Variants in COG5 observed in about 807,000 individuals in gnomAD.
COG5 encodes the protein component of oligomeric golgi complex 5.
In COG5, 86 loss-of-function variants were observed where a neutral mutation model predicts 110.4. The observed-to-expected ratio is 0.78, with a 90% CI of 0.65 to 0.93. The LOEUF (loss-of-function observed/expected upper bound fraction) is 0.93, where lower values mean the gene tolerates loss of function less well. Ranked by LOEUF, COG5 falls within the 40% of genes least tolerant of loss-of-function variation. COG5 has a pLI of 0.00. For synonymous variants in COG5, 360 were observed against 334.6 expected, an observed-to-expected ratio of 1.08 and a Z score of -0.83; for missense variants, 1,077 against 987.0, an observed-to-expected ratio of 1.09 and a Z score of -1.22.
intron 7 of COG5, among the ~76,000 whole-genome samples, chr7:107,399,270 T>C (rs1791251627): frequency 6.6e-6 from 1 of 152,086 alleles, no homozygotes. Context: ...AAGTGCATGA[T>C]AACAGAAAAA....
intron 14 of COG5, among the ~76,000 whole-genome samples, chr7:107,276,878 A>G (rs1028459558): frequency 6.6e-6 from 1 of 152,246 alleles, no homozygotes; most frequent in Non-Finnish European, 1.5e-5. Context: ...CAAGACAAAC[A>G]AGAATTTTTA....
In COG5 at chr7:107,284,404, A is replaced by G. The variant is rs1461028732; in HGVS notation, c.1314-672T>C. ...CTATAGAGTTATCGAAGCATATGGA[A>G]GAAAGACCAGCCTGCAGAGACCTGC... On this transcript the variant is annotated intron_variant, in intron 12 of 21. Transcript: ENST00000297135. Among the ~76,000 whole-genome samples the G allele has an allele frequency of 2.0e-5, 3 of 152,220 alleles. No homozygotes were observed. The East Asian group carries it at 5.8e-4, about 29-fold the overall frequency.
chr7:107,414,703 CTTTTTTTT>C (rs530323655), intron 6 of COG5, among the ~76,000 whole-genome samples: 2 of 61,706 alleles, frequency 3.2e-5, no homozygotes, highest in African/African-American at 4.4e-5. Flanking sequence ...CTCACTGTCC[CTTTTTTTT>C]TTTTTTTTTT....
intron 17 of COG5, among the ~76,000 whole-genome samples, chr7:107,239,749 G>A (rs1049355529): frequency 1.1e-4 from 17 of 152,026 alleles, no homozygotes; most frequent in African/African-American, 2.7e-4. Context: ...GGTTGTTCAG[G>A]TGCATGTTGT....
At chr7:107,546,428 G>GTTT in intron 5 of COG5, among the ~76,000 whole-genome samples, 1 of 117,106 alleles carries the variant, frequency 8.5e-6, no homozygotes, top group Non-Finnish European at 1.9e-5. Context: ...TTGTGTTTTG[G>GTTT]TTTTTTGTTT....
intron 6 of COG5, among the ~76,000 whole-genome samples, chr7:107,504,648 A>ATTTTTTTTTTTTTTTTTTTTTTTTTTTT (rs537742030): frequency 6.6e-6 from 1 of 151,866 alleles, no homozygotes; most frequent in Non-Finnish European, 1.5e-5. Context: ...TTTGTTGGCA[A>ATTTTTTTTTTTTTTTTTTTTTTTTTTTT]TTTTTTTTAT....
intron 12 of COG5, among the ~76,000 whole-genome samples, chr7:107,296,123 C>A (rs970590828): frequency 1.4e-5 from 2 of 147,794 alleles, no homozygotes; most frequent in African/African-American, 4.9e-5. Context: ...AGTGACCTAC[C>A]TTCCTTCCTT....
intron 11 of COG5, among the ~76,000 whole-genome samples, chr7:107,304,318 C>T (rs1807526436): frequency 6.6e-6 from 1 of 152,130 alleles, no homozygotes; most frequent in Non-Finnish European, 1.5e-5. Flanking sequence ...TATTTTCTTC[C>T]CTAGCCCTGA....
intron 11 of COG5, among the ~76,000 whole-genome samples, chr7:107,306,959 C>A (rs1056582588): frequency 6.6e-6 from 1 of 152,134 alleles, no homozygotes; most frequent in Admixed American, 6.6e-5. Context: ...GTATTTTTAG[C>A]ACCTCACTTT....
intron 5 of COG5, among the ~76,000 whole-genome samples, chr7:107,533,045 G>C (rs1284132866): frequency 6.8e-6 from 1 of 147,832 alleles, no homozygotes; most frequent in African/African-American, 2.7e-5. Context: ...GGTCTGGAGT[G>C]GACCCGCAGC....
At chr7:107,433,947 C>T (rs565226872) in intron 6 of COG5, among the ~76,000 whole-genome samples, 39 of 151,820 alleles carry the variant, frequency 2.6e-4, no homozygotes, top group African/African-American at 8.9e-4. Context: ...TAAAGAAATC[C>T]TACAATTAAG....
At chr7:107,426,782 A>G (rs1459544776) in intron 6 of COG5, among the ~76,000 whole-genome samples, 2 of 152,128 alleles carry the variant, frequency 1.3e-5, no homozygotes, top group African/African-American at 2.4e-5. Context: ...GTGTGTTTCA[A>G]CTGTCTGGGG....
intron 10 of COG5, among the ~76,000 whole-genome samples, chr7:107,356,525 C>A (rs1044051815): frequency 2.6e-5 from 4 of 151,824 alleles, no homozygotes; most frequent in African/African-American, 9.7e-5. Flanking sequence ...TACAGTGAGA[C>A]CCTGACTCAT....
At position 107,202,671 on chromosome 7, in the gene COG5, T is replaced by C. The variant is rs186610219; in HGVS notation, c.*845A>G. 6 of 152,124 alleles carry C rather than the reference T, an allele frequency of 3.9e-5. No homozygotes were observed. The highest frequency in any genetic ancestry group is 3.9e-4 in the Admixed American group (6 of 15,270). 9.4% of individuals were successfully genotyped at this position (152,124 alleles called of 1,614,324 possible). A position where few individuals can be genotyped will look rare whatever the true frequency, so the allele number is the denominator to read the frequency against. On this transcript the variant is annotated 3_prime_UTR_variant, in exon 22 of 22. Transcript: ENST00000297135. ...AATTAGGAGGCTGCTGATAGGATTT[T>C]AAAAATTAAAAACAATGTTAATAGT... is the stretch of plus-strand genomic sequence containing the variant.
chr7:107,298,368 T>C, intron 11 of COG5, 22 bp from the exon 12 acceptor site: 3 of 1,580,874 alleles, frequency 1.9e-6, no homozygotes, highest in Non-Finnish European at 2.6e-6. Flanking sequence ...AACAAGAACA[T>C]GAATTAGAAA....
intron 6 of COG5, among the ~76,000 whole-genome samples, chr7:107,417,873 T>C (rs1000942790): frequency 3.3e-5 from 5 of 152,154 alleles, no homozygotes; most frequent in Non-Finnish European, 7.4e-5. Context: ...GTATTAATTA[T>C]ATAATAATAT....
chr7:107,277,996 T>A (rs1362711441), intron 14 of COG5, among the ~76,000 whole-genome samples: 1 of 152,190 alleles, frequency 6.6e-6, no homozygotes, highest in Admixed American at 6.5e-5. Context: ...AAACCTTTTA[T>A]AAGCCTTTCT....
At chr7:107,335,630 G>A (rs1037207265) in intron 10 of COG5, among the ~76,000 whole-genome samples, 5 of 152,080 alleles carry the variant, frequency 3.3e-5, no homozygotes, top group African/African-American at 9.7e-5. Context: ...TAATAACAGC[G>A]AATGTAAATG....
intron 5 of COG5, among the ~76,000 whole-genome samples, chr7:107,532,406 C>T (rs1209502526): frequency 6.6e-6 from 1 of 152,124 alleles, no homozygotes; most frequent in African/African-American, 2.4e-5. Context: ...TTGTTCATTT[C>T]TGGGACTTTT....
Sources: allele counts gnomAD v4.1 joint callset (sites outside exome capture counted in the v4.1 genomes callset), GRCh38; gene constraint gnomAD v4.1.1; transcripts MANE v1.5; gene names NCBI Gene and HGNC (gene_info 2026-07-23, HGNC 2026-07-21).